The following ADAMTS17 variants were observed in gnomAD, a reference collection of about 807,000 sequenced individuals.
ADAMTS17 encodes the protein ADAM metallopeptidase with thrombospondin type 1 motif 17.
A neutral mutation model predicts 141.5 loss-of-function variants in ADAMTS17; 113 were observed. The ratio of observed to expected loss-of-function variants is 0.80; its 90% CI spans 0.69 to 0.93. ADAMTS17 has a LOEUF of 0.93. Ranked by LOEUF, ADAMTS17 falls within the 40% of genes least tolerant of loss-of-function variation. ADAMTS17 has a pLI of 0.00. For missense variants in ADAMTS17, 1,659 were observed against 1,517.9 expected (o/e 1.09, Z -1.54); for synonymous variants, 768 against 630.6 (o/e 1.22, Z -3.27).
chr15:99,986,520 A>T (rs1441239539), intron 20 of ADAMTS17, among the ~76,000 whole-genome samples: 1 of 152,176 alleles, frequency 6.6e-6, no homozygotes, highest in Non-Finnish European at 1.5e-5. Context: ...TTGGGCTGTC[A>T]GGGTGCTCAG....
intron 2 of ADAMTS17, among the ~76,000 whole-genome samples, chr15:100,337,090 G>A (rs2141980830): frequency 6.6e-6 from 1 of 152,340 alleles, no homozygotes; most frequent in South Asian, 2.1e-4. Flanking sequence ...GGCCAAGACT[G>A]GTCTTGAGCT....
At position 100,054,136 on chromosome 15, in the gene ADAMTS17, CCT is replaced by C. The variant is rs34480097; in HGVS notation, c.2138-84_2138-83del. 9.0e-3 allele frequency: 13,924 copies of C among 1,539,404 alleles called. 150 individuals carry two copies. Among genetic ancestry groups the C allele is most frequent in the South Asian group, 0.036 (3,256 of 89,274 alleles). ...CTGTCTTTAAACGGAATCTACAGCC[CCT>C]GAGTGGGGCAGAGGTCTCCCTTCCA... On this transcript the variant is annotated intron_variant, in intron 15 of 21. Coordinates refer to ENST00000268070, the MANE Select transcript of ADAMTS17 (RefSeq NM_139057.4).
chr15:100,196,150 G>C (rs1422460992), intron 8 of ADAMTS17, among the ~76,000 whole-genome samples: 2 of 152,124 alleles, frequency 1.3e-5, no homozygotes, highest in African/African-American at 2.4e-5. Context: ...AGAACTTTAA[G>C]TTTAATTACA....
At chr15:100,236,283 T>TAAAAAAAA (rs34689590) in intron 7 of ADAMTS17, among the ~76,000 whole-genome samples, 36 of 128,520 alleles carry the variant, frequency 2.8e-4, no homozygotes, top group Non-Finnish European at 5.4e-4. Flanking sequence ...CCCACGACAT[T>TAAAAAAAA]AAAAAAAAAA....
At chr15:100,184,157 T>A (rs1341696609) in intron 8 of ADAMTS17, among the ~76,000 whole-genome samples, 2 of 152,226 alleles carry the variant, frequency 1.3e-5, no homozygotes, top group Non-Finnish European at 2.9e-5. Context: ...GCTCACTATG[T>A]CCTGTTTATG....
chr15:100,068,253 G>A (rs11632864), intron 15 of ADAMTS17, among the ~76,000 whole-genome samples: 99,061 of 151,738 alleles, frequency 0.65, 34,944 homozygotes, highest in Non-Finnish European at 0.8. Context: ...AAAGCCACCG[G>A]GAAGCTCGAA....
At chr15:100,088,532 G>A (rs1186475375) in intron 15 of ADAMTS17, among the ~76,000 whole-genome samples, 2 of 152,054 alleles carry the variant, frequency 1.3e-5, no homozygotes, top group African/African-American at 4.8e-5. Context: ...GCATCGCCAA[G>A]TCAATCCTAA....
At chr15:100,046,201 A>G (rs986524376) in intron 18 of ADAMTS17, among the ~76,000 whole-genome samples, 1 of 152,106 alleles carries the variant, frequency 6.6e-6, no homozygotes, top group Non-Finnish European at 1.5e-5. Flanking sequence ...CTTTTAAACA[A>G]TTGCTTTTTA....
At chr15:100,073,566 T>C (rs1596350577) in intron 15 of ADAMTS17, among the ~76,000 whole-genome samples, 1 of 151,960 alleles carries the variant, frequency 6.6e-6, no homozygotes. Context: ...ATATACACCA[T>C]GGAATACTAT....
Position 99,974,467 on chromosome 15 carries a change from G to A in ADAMTS17, c.3223C>T (p.Arg1075Cys), listed in dbSNP as rs202106289. The A allele has an allele frequency of 3.0e-5, 49 of 1,614,106 alleles. 1 individual carries two copies. Among genetic ancestry groups the A allele is most frequent in the Non-Finnish European group, 3.6e-5 (43 of 1,180,060 alleles). ...AAGTCCCTGCAGGTCTGGCAGCAGC[G>A]CTGGTACCACCGCATGTCCTGGCAG... ...NLCQDMRWYQ[R>C]CCQTCRDFYA... Residue 1075 changes from arginine to cysteine, a missense_variant, in exon 22 of 22, where the codon CGC becomes TGC. By Grantham distance (180) the Arg-to-Cys change is radical. Transcript: ENST00000268070.
intron 21 of ADAMTS17, 113 bp from the exon 22 acceptor site, chr15:99,974,675 C>T (rs563364315): frequency 1.5e-6 from 2 of 1,369,174 alleles, no homozygotes; most frequent in East Asian, 2.3e-5. Flanking sequence ...CCCTCGTGCA[C>T]ACGTCAACCC....
At chr15:100,056,510 C>T (rs1315474365) in intron 15 of ADAMTS17, among the ~76,000 whole-genome samples, 1 of 152,174 alleles carries the variant, frequency 6.6e-6, no homozygotes, top group African/African-American at 2.4e-5. Context: ...ATTAGATTCT[C>T]ATAAGGCATG....
At chr15:100,312,132 A>C (rs1328996958) in intron 3 of ADAMTS17, among the ~76,000 whole-genome samples, 3 of 152,196 alleles carry the variant, frequency 2.0e-5, no homozygotes, top group Non-Finnish European at 2.9e-5. Flanking sequence ...GAAAATGTGA[A>C]CTTACATGGT....
At chr15:100,140,182 G>C (rs1463835846) in intron 10 of ADAMTS17, among the ~76,000 whole-genome samples, 2 of 151,906 alleles carry the variant, frequency 1.3e-5, no homozygotes, top group Non-Finnish European at 2.9e-5. Flanking sequence ...TTTTGGTAGA[G>C]ATGGGGTTTC....
intron 8 of ADAMTS17, among the ~76,000 whole-genome samples, chr15:100,164,378 A>G (rs1460561818): frequency 2.1e-5 from 2 of 96,648 alleles, no homozygotes; most frequent in Non-Finnish European, 4.1e-5. Context: ...AAACAGGGAT[A>G]ATAATACTGA....
At position 100,061,416 on chromosome 15, in the gene ADAMTS17, T is replaced by G. The variant is rs536659471; in HGVS notation, c.2138-7362A>C. ...GCCGAGCTCCGTGACTGGGAGCCAC[T>G]ATCGCGGATGCTATTGTTCTTTTTT... is the stretch of plus-strand genomic sequence containing the variant. On this transcript the variant is annotated intron_variant, in intron 15 of 21. Coordinates refer to ENST00000268070, the MANE Select transcript of ADAMTS17 (RefSeq NM_139057.4). Among the ~76,000 whole-genome samples, 7 of 152,316 alleles carry G rather than the reference T, an allele frequency of 4.6e-5. 1 individual carries two copies. Among genetic ancestry groups the G allele is most frequent in the African/African-American group, 1.7e-4 (7 of 41,570 alleles).
chr15:100,238,292 G>A (rs1402997732), intron 7 of ADAMTS17, among the ~76,000 whole-genome samples: 1 of 151,804 alleles, frequency 6.6e-6, no homozygotes, highest in Non-Finnish European at 1.5e-5. Flanking sequence ...TGCTTTCCAT[G>A]TTCCCTTTAT....
Position 100,074,739 on chromosome 15 carries a change from G to C in ADAMTS17, c.2138-20685C>G, listed in dbSNP as rs1290017532. Reference sequence around the variant, plus strand: ...TCAGTATTATTCTTGCTTTAATTAGGAGTATTTCTATGCTTCTATAATAAC... The same window carrying C: ...TCAGTATTATTCTTGCTTTAATTAGCAGTATTTCTATGCTTCTATAATAAC... On this transcript the variant is annotated intron_variant, in intron 15 of 21. Transcript: ENST00000268070. 2.6e-5 allele frequency among the ~76,000 whole-genome samples: 4 copies of C among 152,120 alleles called. No individual in the cohort carries two copies. The East Asian group carries it at 7.7e-4, about 29-fold the overall frequency.
chr15:100,139,853 G>C (rs1241877046), intron 10 of ADAMTS17, among the ~76,000 whole-genome samples: 1 of 152,186 alleles, frequency 6.6e-6, no homozygotes, highest in Non-Finnish European at 1.5e-5. Flanking sequence ...AACTAAACGT[G>C]AAATAGGATC....
Sources: allele counts gnomAD v4.1 joint callset (sites outside exome capture counted in the v4.1 genomes callset), GRCh38; gene constraint gnomAD v4.1.1; transcripts MANE v1.5; gene names NCBI Gene and HGNC (gene_info 2026-07-23, HGNC 2026-07-21).